CAB39L: variants seen among roughly 807,000 people sequenced by gnomAD.
The protein encoded by CAB39L is calcium-binding protein 39-like.
Under a neutral mutation model 39.1 loss-of-function variants are expected in CAB39L, and 23 were observed. The observed-to-expected ratio is 0.59, with a 90% CI of 0.42 to 0.83. The LOEUF (loss-of-function observed/expected upper bound fraction) is 0.83. Ranked by LOEUF, CAB39L falls within the 40% of genes least tolerant of loss-of-function variation. The pLI, the probability that CAB39L is intolerant of heterozygous loss-of-function variation, is 0.00. For missense variants in CAB39L, 366 were observed against 391.9 expected, an observed-to-expected ratio of 0.93 and a Z score of 0.56; for synonymous variants, 126 against 137.2, an observed-to-expected ratio of 0.92 and a Z score of 0.57.
intron 5 of CAB39L, among the ~76,000 whole-genome samples, chr13:49,366,716 T>C (rs748946224): frequency 6.7e-6 from 1 of 148,646 alleles, no homozygotes; most frequent in Admixed American, 6.7e-5. Context: ...AACTTAATAG[T>C]ATGAAAAACA....
intron 3 of CAB39L, among the ~76,000 whole-genome samples, chr13:49,417,913 C>A (rs541983180): frequency 6.6e-6 from 1 of 152,122 alleles, no homozygotes; most frequent in Admixed American, 6.5e-5. Flanking sequence ...TAAGCACTGG[C>A]AAAAATGTAG....
At chr13:49,433,418 T>G in intron 2 of CAB39L, 25 bp from the exon 3 acceptor site, 1 of 448,660 alleles carries the variant, frequency 2.2e-6, no homozygotes, top group South Asian at 1.6e-5. Context: ...AGCTTTAAAA[T>G]TAATTTTTAA....
intron 10 of CAB39L, among the ~76,000 whole-genome samples, chr13:49,321,453 C>T (rs1210449276): frequency 6.6e-6 from 1 of 152,178 alleles, no homozygotes; most frequent in East Asian, 1.9e-4. Flanking sequence ...TTTATCTTGA[C>T]AACGGCTCTG....
intron 9 of CAB39L, among the ~76,000 whole-genome samples, chr13:49,338,416 C>G (rs958121488): frequency 6.7e-5 from 10 of 149,668 alleles, no homozygotes; most frequent in African/African-American, 2.2e-4. Context: ...AAACCAAACA[C>G]CGCATATTCT....
intron 1 of CAB39L, among the ~76,000 whole-genome samples, chr13:49,438,544 T>C (rs1318342026): frequency 6.6e-6 from 1 of 152,216 alleles, no homozygotes; most frequent in Non-Finnish European, 1.5e-5. Context: ...TAAATGTTTG[T>C]CAATGCCCTG....
rs903332231 is a variant in CAB39L at position 49,425,347 on chromosome 13, C to T, written c.-32+7971G>A. Among the ~76,000 whole-genome samples, 32 of 152,030 alleles carry T rather than the reference C, an allele frequency of 2.1e-4. 2 individuals carry two copies. In the South Asian group the frequency reaches 6.4e-3, roughly 31 times the overall value. ...ACAAAAATTATAGGAATAAATGTAA[C>T]AGACTAGGAGAAATCATTACAAAGC... is the stretch of plus-strand genomic sequence containing the variant. On this transcript the variant is annotated intron_variant, in intron 3 of 10. Coordinates refer to ENST00000409308, the MANE Select transcript of CAB39L (RefSeq NM_001079670.3).
At chr13:49,393,944 AAC>A (rs993905827) in intron 3 of CAB39L, among the ~76,000 whole-genome samples, 3 of 152,022 alleles carry the variant, frequency 2.0e-5, no homozygotes, top group African/African-American at 7.2e-5. Flanking sequence ...ATCAATGAAC[AAC>A]ACAGCTCAGA....
chr13:49,401,668 A>C (rs2138657599), intron 3 of CAB39L: 1 of 152,312 alleles, frequency 6.6e-6, no homozygotes, highest in South Asian at 2.1e-4. Flanking sequence ...AGAGATAAAC[A>C]AAATTTTTTC....
rs147477469 is a variant in CAB39L at position 49,333,242 on chromosome 13, G to A, written c.691-1152C>T. Among the ~76,000 whole-genome samples the A allele has an allele frequency of 2.6e-5, 4 of 152,288 alleles. No individual in the cohort carries two copies. The South Asian group carries it at 6.2e-4, about 24-fold the overall frequency. ...CTCATACACATGGAATAGCAACCAC[G>A]TAGTCAAACTGTTAATCTGCAACCT... On this transcript the variant is annotated intron_variant, in intron 9 of 10. Transcript: ENST00000409308.
intron 3 of CAB39L, among the ~76,000 whole-genome samples, chr13:49,404,658 T>G (rs1237421675): frequency 6.6e-6 from 1 of 152,126 alleles, no homozygotes; most frequent in Non-Finnish European, 1.5e-5. Flanking sequence ...ATAGCTGTTT[T>G]GAGGAAGCTC....
intron 3 of CAB39L, among the ~76,000 whole-genome samples, chr13:49,384,706 T>C (rs1274170724): frequency 6.6e-6 from 1 of 152,214 alleles, no homozygotes; most frequent in Non-Finnish European, 1.5e-5. Flanking sequence ...GCAGAATGGA[T>C]GTTAACAGGC....
At chr13:49,392,398 G>A (rs1239182644) in intron 3 of CAB39L, among the ~76,000 whole-genome samples, 1 of 152,110 alleles carries the variant, frequency 6.6e-6, no homozygotes, top group African/African-American at 2.4e-5. Context: ...CAGCACTCTG[G>A]GAGGCCGAGG....
intron 1 of CAB39L, among the ~76,000 whole-genome samples, chr13:49,441,549 A>G (rs562577544): frequency 1.1e-4 from 17 of 152,236 alleles, no homozygotes; most frequent in Non-Finnish European, 1.9e-4. Flanking sequence ...CCTGGGCAAC[A>G]TAGCGAGATC....
At position 49,383,938 on chromosome 13, in the gene CAB39L, T is replaced by C. The variant is rs1594032637; in HGVS notation, c.-31-997A>G. ...TGCTGGTTGGAGAGTCTTGCATTAA[T>C]GTTGATGGCTGCTGACTGATCAGGT... On this transcript the variant is annotated intron_variant, in intron 3 of 10. Coordinates refer to ENST00000409308, the MANE Select transcript of CAB39L (RefSeq NM_001079670.3). 3.9e-5 allele frequency among the ~76,000 whole-genome samples: 6 copies of C among 152,340 alleles called. 1 individual carries two copies. The highest frequency in any genetic ancestry group is 3.9e-4 in the Admixed American group (6 of 15,298).
intron 3 of CAB39L, among the ~76,000 whole-genome samples, chr13:49,403,505 A>G (rs1006741258): frequency 2.6e-5 from 4 of 152,170 alleles, no homozygotes; most frequent in African/African-American, 9.7e-5. Flanking sequence ...AAAATCGATC[A>G]TTAGAAAAAG....
chr13:49,344,112 T>G, intron 8 of CAB39L, 67 bp downstream of exon 8: 3 of 916,486 alleles, frequency 3.3e-6, no homozygotes, highest in Non-Finnish European at 5.4e-6. Flanking sequence ...ACAGGGGCAA[T>G]TGCTCATAGA....
intron 3 of CAB39L, among the ~76,000 whole-genome samples, chr13:49,403,259 C>T (rs1008121054): frequency 3.3e-5 from 5 of 152,102 alleles, no homozygotes; most frequent in Middle Eastern, 3.4e-3. Context: ...GCCTCAGTAG[C>T]GGAACCAAAT....
chr13:49,417,463 C>A (rs1225098654), intron 3 of CAB39L, among the ~76,000 whole-genome samples: 1 of 152,178 alleles, frequency 6.6e-6, no homozygotes, highest in Non-Finnish European at 1.5e-5. Context: ...TTTAACACTA[C>A]TGTACCAGAT....
chr13:49,423,022 G>A (rs1957193070), intron 3 of CAB39L, among the ~76,000 whole-genome samples: 1 of 152,072 alleles, frequency 6.6e-6, no homozygotes, highest in Non-Finnish European at 1.5e-5. Context: ...GTAAAAACTA[G>A]GAAAAAACAA....
Sources: gnomAD v4.1 joint callset for allele counts (sites outside exome capture counted in the v4.1 genomes callset) on GRCh38, gnomAD v4.1.1 for gene constraint, MANE v1.5 for transcripts, NCBI Gene and HGNC (gene_info 2026-07-23, HGNC 2026-07-21) for gene names.